MYO1B: variants seen among roughly 807,000 people sequenced by gnomAD.
The protein encoded by MYO1B is myosin IB.
Under a neutral mutation model 159.7 loss-of-function variants are expected in MYO1B, and 72 were observed. The observed-to-expected ratio is 0.45, with a 90% CI of 0.37 to 0.55. The LOEUF (loss-of-function observed/expected upper bound fraction) is 0.55, where lower values mean the gene tolerates loss of function less well. Among genes scored for constraint, MYO1B ranks in the 20% least tolerant of loss-of-function variants. MYO1B has a pLI of 0.00. For synonymous variants in MYO1B, 468 were observed against 473.8 expected (o/e 0.99, Z 0.16); for missense variants, 1,062 against 1,364.8 (o/e 0.78, Z 3.50).
At chr2:191,341,357 A>G (rs1055266596) in intron 4 of MYO1B, 104 bp from the exon 5 acceptor site, 3 of 822,252 alleles carry the variant, frequency 3.6e-6, no homozygotes, top group Non-Finnish European at 5.9e-6. Context: ...GAATAAAGAC[A>G]TTTGAAAATG....
intron 4 of MYO1B, among the ~76,000 whole-genome samples, chr2:191,338,981 GA>G (rs1692037776): frequency 6.6e-6 from 1 of 152,180 alleles, no homozygotes; most frequent in South Asian, 2.1e-4. Context: ...AGATAGGCCA[GA>G]AATTTATGTC....
intron 1 of MYO1B, among the ~76,000 whole-genome samples, chr2:191,257,982 A>G (rs1229145538): frequency 6.6e-6 from 1 of 152,254 alleles, no homozygotes; most frequent in Non-Finnish European, 1.5e-5. Context: ...CTAGTTTTAT[A>G]AAATGTGTAT....
At chr2:191,375,470 A>AAGATAGATAGAT (rs149225477) in intron 13 of MYO1B, among the ~76,000 whole-genome samples, 23,044 of 146,154 alleles carry the variant, frequency 0.16, 1,884 homozygotes, top group East Asian at 0.21. Flanking sequence ...TGATTTGTAA[A>AAGATAGATAGAT]AGATAGATAG....
intron 1 of MYO1B, among the ~76,000 whole-genome samples, chr2:191,268,235 A>G (rs573960734): frequency 6.6e-6 from 1 of 152,304 alleles, no homozygotes; most frequent in South Asian, 2.1e-4. Context: ...TTGTTGGTAG[A>G]TTCAGTTTCT....
intron 4 of MYO1B, among the ~76,000 whole-genome samples, chr2:191,340,551 G>A (rs1399089799): frequency 1.3e-5 from 2 of 152,130 alleles, no homozygotes; most frequent in Non-Finnish European, 2.9e-5. Flanking sequence ...GCCTCATGTG[G>A]CCTATTCTTT....
chr2:191,333,575 C>T (rs1047363310), intron 4 of MYO1B, among the ~76,000 whole-genome samples: 4 of 152,112 alleles, frequency 2.6e-5, no homozygotes, highest in African/African-American at 9.7e-5. Flanking sequence ...CACAAGCCAC[C>T]ACCCATTATC....
rs149384034 is a variant in MYO1B, at chr2:191,393,083, T to C, written c.2087T>C (p.Leu696Ser). The change falls in exon 20 of 31, where the codon TTA becomes TCA. Residue 696 changes from leucine to serine, a missense_variant. Physicochemically the swap from Leu to Ser is moderately radical, Grantham distance 145. Around this residue, in one of 5 missense-constraint regions of MYO1B, gnomAD observed 609 missense variants for 744.4 expected, o/e 0.82. Transcript: ENST00000392318. ...FIRNPRTLFK[L>S]EDLRKQRLED... ...ATCATTTCTTATTAGTTATTCAAAT[T>C]AGAAGACCTGAGGAAGCAACGCCTG... The C allele has an allele frequency of 2.6e-4, 426 of 1,613,334 alleles. 1 individual carries two copies. The highest frequency in any genetic ancestry group is 3.4e-4 in the Non-Finnish European group (404 of 1,179,598).
intron 11 of MYO1B, among the ~76,000 whole-genome samples, chr2:191,366,019 A>G (rs946210687): frequency 2.0e-5 from 3 of 152,172 alleles, no homozygotes; most frequent in African/African-American, 7.2e-5. Context: ...TGCATTTCTA[A>G]TAAATTCAAA....
chr2:191,278,530 G>C (rs1190157193), intron 2 of MYO1B, among the ~76,000 whole-genome samples: 1 of 152,218 alleles, frequency 6.6e-6, no homozygotes, highest in Non-Finnish European at 1.5e-5. Context: ...CTTTGTATTG[G>C]TGGAGGTGGG....
At chr2:191,265,935 C>G (rs1687114066) in intron 1 of MYO1B, among the ~76,000 whole-genome samples, 1 of 151,808 alleles carries the variant, frequency 6.6e-6, no homozygotes, top group African/African-American at 2.4e-5. Flanking sequence ...TCTGGACCTT[C>G]TAGGGTTGTG....
chr2:191,392,659 G>A (rs571236511), intron 19 of MYO1B, among the ~76,000 whole-genome samples: 2 of 152,246 alleles, frequency 1.3e-5, no homozygotes, highest in African/African-American at 4.8e-5. Context: ...TTTTGTCAAT[G>A]AATAGATGAG....
Position 191,338,181 on chromosome 2 carries a change from G to T in MYO1B, c.347-3280G>T, listed in dbSNP as rs373826558. Reference sequence around the variant, plus strand: ...AAGAGTTGTCTCTTTTAAATAGTGTGATTTTTTTTTTTGGAGAAAATACTA... The same window carrying T: ...AAGAGTTGTCTCTTTTAAATAGTGTTATTTTTTTTTTTGGAGAAAATACTA... On this transcript the variant is annotated intron_variant, in intron 4 of 30. Transcript: ENST00000392318. Among the ~76,000 whole-genome samples, 5 of 151,532 alleles carry T rather than the reference G, an allele frequency of 3.3e-5. No homozygotes were observed. In the South Asian group the frequency reaches 6.3e-4, roughly 19 times the overall value.
chr2:191,346,110 CAG>C (rs1692548248), intron 5 of MYO1B, 124 bp from the exon 6 acceptor site: 1 of 757,768 alleles, frequency 1.3e-6, no homozygotes. Flanking sequence ...AAGTTTTGGA[CAG>C]AAATATCATT....
intron 7 of MYO1B, 130 bp downstream of exon 7, chr2:191,350,355 A>T: frequency 3.4e-6 from 2 of 586,204 alleles, no homozygotes; most frequent in Admixed American, 6.6e-5. Flanking sequence ...TTAGACTTTA[A>T]GCTTTGCATT....
At chr2:191,400,582 GT>G in intron 22 of MYO1B, 114 bp downstream of exon 22, 1 of 1,385,548 alleles carries the variant, frequency 7.2e-7, no homozygotes, top group Non-Finnish European at 1.0e-6. Context: ...CTGAGCACGT[GT>G]TTGCTTCTTG....
At chr2:191,388,171 C>T (rs966238780) in intron 17 of MYO1B, 3 of 151,942 alleles carry the variant, frequency 2.0e-5, no homozygotes, top group African/African-American at 7.3e-5. Flanking sequence ...ATAATCCCAA[C>T]TACTTGGGAG....
At chr2:191,403,726 C>T (rs951064017) in intron 24 of MYO1B, among the ~76,000 whole-genome samples, 2 of 152,010 alleles carry the variant, frequency 1.3e-5, no homozygotes, top group African/African-American at 4.8e-5. Context: ...TGAATATTCA[C>T]CAAGTAATAT....
intron 1 of MYO1B, 105 bp from the exon 2 acceptor site, chr2:191,276,782 G>A: frequency 7.6e-7 from 1 of 1,324,436 alleles, no homozygotes; most frequent in South Asian, 1.5e-5. Context: ...TAAGGCTAGT[G>A]AGAGTCATTT....
At chr2:191,360,072 G>A (rs1169499245) in intron 7 of MYO1B, among the ~76,000 whole-genome samples, 2 of 152,122 alleles carry the variant, frequency 1.3e-5, no homozygotes, top group Admixed American at 6.5e-5. Flanking sequence ...TGGGGCATGT[G>A]GGTGCAAGAG....
Sources: allele counts gnomAD v4.1 joint callset (sites outside exome capture counted in the v4.1 genomes callset), GRCh38; gene constraint gnomAD v4.1.1; regional missense constraint gnomAD v4.1.1; transcripts MANE v1.5; gene names NCBI Gene and HGNC (gene_info 2026-07-23, HGNC 2026-07-21).